Variants in NNMT observed in about 807,000 individuals in gnomAD.
NNMT encodes nicotinamide N-methyltransferase.
A neutral mutation model predicts 11.7 loss-of-function variants in NNMT; 10 were observed. The observed-to-expected ratio is 0.85, with a 90% CI of 0.53 to 1.45. NNMT has a LOEUF of 1.45. Ranked by LOEUF, NNMT falls within the 40% of genes most tolerant of loss-of-function variation. The pLI is 0.00. For synonymous variants in NNMT, 143 were observed against 133.8 expected (o/e 1.07, Z -0.48); for missense variants, 381 against 319.4 (o/e 1.19, Z -1.47).
chr11:114,277,150 G>A (rs1288845806), intron 2 of NNMT, among the ~76,000 whole-genome samples: 3 of 151,810 alleles, frequency 2.0e-5, no homozygotes, highest in Admixed American at 6.6e-5. Context: ...TTGAACCCGG[G>A]AGGTGGAGGT....
intron 1 of NNMT, among the ~76,000 whole-genome samples, chr11:114,260,068 TACAACACAC>T (rs1945064934): frequency 6.6e-6 from 1 of 152,132 alleles, no homozygotes; most frequent in Non-Finnish European, 1.5e-5. Flanking sequence ...AGTGGGAACA[TACAACACAC>T]AACAGCTCAC....
In NNMT at chr11:114,259,349, G is replaced by A. The variant is rs112291450; in HGVS notation, c.-217+1471G>A. ...TGTACACACACGCAGAGGCCCAGTG[G>A]GGGGGGGGGAGCTCCTGCATCCCCA... is the stretch of plus-strand genomic sequence containing the variant. On this transcript the variant is annotated intron_variant, in intron 1 of 4. Transcript: ENST00000535401. Among the ~76,000 whole-genome samples, 213 of 118,230 alleles carry A rather than the reference G, an allele frequency of 1.8e-3. 2 individuals are homozygous for A. Among genetic ancestry groups the A allele is most frequent in the Middle Eastern group, 0.018 (4 of 224 alleles). 77.6% of individuals were successfully genotyped at this position (118,230 alleles called of 152,430 possible). A position where few individuals can be genotyped will look rare whatever the true frequency, so the allele number is the denominator to read the frequency against.
At chr11:114,311,346 CAAA>C (rs1565729691) in intron 2 of NNMT, among the ~76,000 whole-genome samples, 1 of 152,136 alleles carries the variant, frequency 6.6e-6, no homozygotes, top group Non-Finnish European at 1.5e-5. Flanking sequence ...CAAAACAAAA[CAAA>C]AAACCCAAAA....
chr11:114,260,070 C>T (rs536534125), intron 1 of NNMT, among the ~76,000 whole-genome samples: 2 of 152,278 alleles, frequency 1.3e-5, no homozygotes, highest in South Asian at 4.1e-4. Context: ...TGGGAACATA[C>T]AACACACAAC....
At chr11:114,311,940 G>T in intron 2 of NNMT, 105 bp from the exon 3 acceptor site, 1 of 1,231,808 alleles carries the variant, frequency 8.1e-7, no homozygotes, top group Non-Finnish European at 1.1e-6. Context: ...GTGGCCCTAA[G>T]GACACACATC....
chr11:114,286,103 A>G (rs181505497), intron 2 of NNMT, among the ~76,000 whole-genome samples: 2 of 152,306 alleles, frequency 1.3e-5, no homozygotes, highest in African/African-American at 2.4e-5. Flanking sequence ...CTTTAGTACC[A>G]TTGAGTACCA....
intron 2 of NNMT, among the ~76,000 whole-genome samples, chr11:114,289,207 T>C (rs535443080): frequency 4.6e-5 from 7 of 152,338 alleles, no homozygotes; most frequent in African/African-American, 9.6e-5. Context: ...TATTATCTTT[T>C]AAATGTCTGC....
Position 114,296,817 on chromosome 11 carries a change from G to C in NNMT, c.154+107G>C, listed in dbSNP as rs555090113. The C allele has an allele frequency of 2.6e-5, 28 of 1,062,642 alleles. No individual in the cohort carries two copies. The Admixed American group carries it at 5.2e-4, about 20-fold the overall frequency. 65.8% of individuals were successfully genotyped at this position (1,062,642 alleles called of 1,614,324 possible). ...TCGTTGTTGCTTCACAGCCCTTTTG[G>C]CATCACCCATTTATTTAACTAGGAT... On this transcript the variant is annotated intron_variant, in intron 1 of 2. Coordinates refer to ENST00000299964, the MANE Select transcript of NNMT (RefSeq NM_006169.3).
upstream of NNMT, among the ~76,000 whole-genome samples, chr11:114,294,587 C>T (rs1945358888): frequency 6.6e-6 from 1 of 150,848 alleles, no homozygotes; most frequent in Non-Finnish European, 1.5e-5. Flanking sequence ...AATAACTAGA[C>T]AAGTATAATT....
At position 114,280,526 on chromosome 11, in the gene NNMT, C is replaced by A. The variant is rs147185455; in HGVS notation, c.-129-15902C>A. 4.8e-3 allele frequency among the ~76,000 whole-genome samples: 726 copies of A among 152,224 alleles called. 4 individuals carry two copies. The highest frequency in any genetic ancestry group is 0.016 in the African/African-American group (676 of 41,534). On this transcript the variant is annotated intron_variant, in intron 2 of 4. Transcript: ENST00000535401. Reference sequence around the variant, plus strand: ...GTCTGCCCGCCCTGCCCCAGAGAATCCCCTTATTCATTTTCAAGCCCTTCC... The same window carrying A: ...GTCTGCCCGCCCTGCCCCAGAGAATACCCTTATTCATTTTCAAGCCCTTCC...
At position 114,312,079 on chromosome 11, in the gene NNMT, C is replaced by T. The variant is rs1161381685; in HGVS notation, c.397C>T (p.Gln133Ter). ...KGPEKEEKLRQAVKQVLKCDV... is the reference protein window; with the variant it reads ...KGPEKEEKLR ...TCCAGAGAAGGAGGAGAAGTTGAGACAGGCGGTCAAGCAGGTGCTGAAGTG... is the reference window on the plus strand; with the variant it reads ...TCCAGAGAAGGAGGAGAAGTTGAGATAGGCGGTCAAGCAGGTGCTGAAGTG... Residue 133 changes from glutamine to a stop codon, truncating the protein, a stop_gained, in exon 3 of 3, where the codon CAG becomes TAG. Transcript: ENST00000299964. LOFTEE classifies it low-confidence loss of function (END_TRUNC). 13 of 1,591,872 alleles carry T rather than the reference C, an allele frequency of 8.2e-6. No homozygotes were observed. Among genetic ancestry groups the T allele is most frequent in the South Asian group, 1.1e-5 (1 of 88,980 alleles).
chr11:114,283,919 A>G (rs1266762929), intron 2 of NNMT, among the ~76,000 whole-genome samples: 1 of 152,226 alleles, frequency 6.6e-6, no homozygotes, highest in African/African-American at 2.4e-5. Flanking sequence ...GAACTTCATA[A>G]TCTTGATATT....
chr11:114,296,281 A>G (rs1477803140), upstream of NNMT: 5 of 332,800 alleles, frequency 1.5e-5, no homozygotes, highest in Non-Finnish European at 2.8e-5. Flanking sequence ...CAAGCATTGC[A>G]TACAGCTCAT....
chr11:114,295,659 G>T (rs1945369301), upstream of NNMT, among the ~76,000 whole-genome samples: 1 of 151,926 alleles, frequency 6.6e-6, no homozygotes, highest in Non-Finnish European at 1.5e-5. Context: ...TCGATCTCCT[G>T]ACCTCGTGAT....
At chr11:114,286,335 T>C (rs1945299555) in intron 2 of NNMT, among the ~76,000 whole-genome samples, 1 of 152,206 alleles carries the variant, frequency 6.6e-6, no homozygotes, top group African/African-American at 2.4e-5. Flanking sequence ...TAATATAAAA[T>C]GCATGAGCAC....
intron 2 of NNMT, among the ~76,000 whole-genome samples, chr11:114,308,615 C>A (rs1035749375): frequency 1.3e-5 from 2 of 152,086 alleles, no homozygotes; most frequent in Non-Finnish European, 2.9e-5. Flanking sequence ...AAAGGGCAGA[C>A]CTTTAGAACT....
intron 2 of NNMT, among the ~76,000 whole-genome samples, chr11:114,284,273 C>T (rs1486905077): frequency 6.6e-6 from 1 of 152,188 alleles, no homozygotes; most frequent in East Asian, 1.9e-4. Flanking sequence ...CCTGGCTCTG[C>T]CAAAGGCCCT....
intron 1 of NNMT, among the ~76,000 whole-genome samples, chr11:114,260,970 T>A (rs547067165): frequency 1.3e-5 from 2 of 152,306 alleles, no homozygotes; most frequent in African/African-American, 2.4e-5. Context: ...AGCAAATACC[T>A]AGCCCACCCA....
At position 114,312,133 on chromosome 11, in the gene NNMT, G is replaced by T. The variant is rs777854632; in HGVS notation, c.451G>T (p.Ala151Ser). The T allele has an allele frequency of 6.2e-7, 1 of 1,613,890 alleles. No homozygotes were observed. Among genetic ancestry groups the T allele is most frequent in the East Asian group, 2.2e-5 (1 of 44,866 alleles). ...CDVTQSQPLG[A>S]VPLPPADCVL... The stretch of plus-strand genomic sequence containing the variant: ...TGTGACTCAGAGCCAGCCACTGGGG[G>T]CCGTCCCCTTACCCCCGGCTGACTG... Residue 151 changes from alanine to serine, a missense_variant, in exon 3 of 3, where the codon GCC (alanine) becomes TCC (serine). Physicochemically the swap from Ala to Ser is moderately conservative, Grantham distance 99. Coordinates refer to ENST00000299964, the MANE Select transcript of NNMT (RefSeq NM_006169.3).
Sources: allele counts gnomAD v4.1 joint callset (sites outside exome capture counted in the v4.1 genomes callset), GRCh38; gene constraint gnomAD v4.1.1; transcripts MANE v1.5; gene names NCBI Gene and HGNC (gene_info 2026-07-23, HGNC 2026-07-21).